Variants in SIPA1 observed in about 807,000 individuals in gnomAD.
The protein encoded by SIPA1 is signal-induced proliferation-associated protein 1.
Under a neutral mutation model 88.1 loss-of-function variants are expected in SIPA1, and 51 were observed. That is an observed-to-expected ratio of 0.58 (90% CI 0.46 to 0.73). The LOEUF (loss-of-function observed/expected upper bound fraction) is 0.73. Among genes scored for constraint, SIPA1 ranks in the 30% least tolerant of loss-of-function variants. The probability of loss-of-function intolerance (pLI) is 0.00; values close to 1 mark genes in which losing one functional copy is unlikely to be tolerated. For missense variants in SIPA1, 1,348 were observed against 1,467.6 expected, an observed-to-expected ratio of 0.92 and a Z score of 1.33; for synonymous variants, 681 against 664.8, an observed-to-expected ratio of 1.02 and a Z score of -0.37.
chr11:65,643,762 T>C (rs1043162210), intron 4 of SIPA1, among the ~76,000 whole-genome samples: 1 of 151,192 alleles, frequency 6.6e-6, no homozygotes, highest in African/African-American at 2.4e-5. Context: ...GCTTGGAGAA[T>C]GAGAGCATGG....
rs113349002 is a variant in SIPA1, at chr11:65,650,727, C to G, written c.*12C>G. 1.5e-5 allele frequency: 23 copies of G among 1,555,830 alleles called. 1 individual carries two copies. The African/African-American group carries it at 2.3e-4, about 16-fold the overall frequency. On this transcript the variant is annotated 3_prime_UTR_variant, in exon 16 of 16. Coordinates refer to ENST00000534313, the MANE Select transcript of SIPA1 (RefSeq NM_006747.4). ...CCGACCTGGCCTGAGCCGTCTGGAA[C>G]CACCTGGGCCCCTGAGGGCACTGTG...
Position 65,646,876 on chromosome 11 carries a change from G to T in SIPA1, c.1842G>T (p.Ser614=). The part of the protein sequence containing the change: ...GIEVPCLLGI[S]AEALVLVAPR... ...AGGTGCCCTGCCTGCTGGGCATCTCGGCCGAGGCTCTGGTGCTGGTGGCGC... is the reference window on the plus strand; with the variant it reads ...AGGTGCCCTGCCTGCTGGGCATCTCTGCCGAGGCTCTGGTGCTGGTGGCGC... Residue 614 remains serine (S), a synonymous_variant, in exon 8 of 16, where the codon TCG becomes TCT. Transcript: ENST00000534313. This position sits in a 1 kb window ranked among gnomAD's most constrained non-coding sequence, Gnocchi z 7.5. 1 of 1,498,274 alleles carries T rather than the reference G, an allele frequency of 6.7e-7. No homozygotes were observed. Among genetic ancestry groups the T allele is most frequent in the Non-Finnish European group, 8.9e-7 (1 of 1,127,508 alleles). The allele number at this position is 1,498,274 out of a possible 1,614,324, so 92.8% of individuals were successfully genotyped here.
chr11:65,641,940 T>G (rs1301282755), intron 2 of SIPA1, among the ~76,000 whole-genome samples: 1 of 152,168 alleles, frequency 6.6e-6, no homozygotes, highest in Non-Finnish European at 1.5e-5. Context: ...TGAACCTTGT[T>G]CGCACCAGCA....
At chr11:65,644,919 G>A (rs544307010) in intron 4 of SIPA1, 36 bp from the exon 5 acceptor site, 46 of 1,589,102 alleles carry the variant, frequency 2.9e-5, no homozygotes, top group Middle Eastern at 1.7e-4. Flanking sequence ...GGGCTGCAGG[G>A]GACTGAGACC....
At chr11:65,648,822 G>C (rs1448693535) in intron 9 of SIPA1, among the ~76,000 whole-genome samples, 4 of 149,920 alleles carry the variant, frequency 2.7e-5, no homozygotes, top group Non-Finnish European at 4.4e-5. Context: ...GGCAACAAGA[G>C]CAAAACTCCA....
At chr11:65,640,344 GATCAGCTCTCCAGGGA>G (rs1251683419) in intron 1 of SIPA1, 1 of 152,758 alleles carries the variant, frequency 6.5e-6, no homozygotes, top group Admixed American at 6.5e-5. Context: ...CTCTCTGGGT[GATCAGCTCTCCAGGGA>G]CCCTGAAGGA....
rs1255274606 is a variant in SIPA1 at position 65,642,147 on chromosome 11, G to A, written c.680-103G>A. Reference sequence around the variant, plus strand: ...ACTTAGTCTAGGGTCAACATTTGGTGGTGAGATGAAGCCTAGGGCGGGGCT... The same window carrying A: ...ACTTAGTCTAGGGTCAACATTTGGTAGTGAGATGAAGCCTAGGGCGGGGCT... On this transcript the variant is annotated intron_variant, in intron 2 of 15. Transcript: ENST00000534313. This position sits in a 1 kb window ranked among gnomAD's most constrained non-coding sequence, Gnocchi z 6.5. 3 of 1,441,306 alleles carry A rather than the reference G, an allele frequency of 2.1e-6. No homozygotes were observed. The allele number at this position is 1,441,306 out of a possible 1,614,324, so 89.3% of individuals were successfully genotyped here.
chr11:65,646,080 C>T lies in SIPA1; in HGVS notation c.1263+123C>T. 1 of 1,297,402 alleles carries T rather than the reference C, an allele frequency of 7.7e-7. No individual in the cohort carries two copies. Among genetic ancestry groups the T allele is most frequent in the Non-Finnish European group, 1.1e-6 (1 of 923,132 alleles). The allele number at this position is 1,297,402 out of a possible 1,614,324, so 80.4% of individuals were successfully genotyped here. ...CCAACAGCCCGCCCCTCTGGTGGCC[C>T]CTTCCCAAAGACAGAAACACCCTAG... is the stretch of plus-strand genomic sequence containing the variant. On this transcript the variant is annotated intron_variant, in intron 6 of 15. Transcript: ENST00000534313. The surrounding 1 kb of genome is among the most constrained non-coding windows in gnomAD (Gnocchi z 7.5).
rs1473244892 is a variant in SIPA1, at chr11:65,639,637, A to C, written c.-91-1194A>C. Among the ~76,000 whole-genome samples, 3 of 146,868 alleles carry C rather than the reference A, an allele frequency of 2.0e-5. No individual in the cohort carries two copies. In the East Asian group the frequency reaches 6.5e-4, roughly 32 times the overall value. On this transcript the variant is annotated intron_variant, in intron 1 of 15. Transcript: ENST00000534313. ...CCCACCATTAGATGCCTGTACCCCC[A>C]GTGGAGGTTCCCCAGCTCCCTGTCC...
chr11:65,649,553 C>A lies in SIPA1; in HGVS notation c.2526-8C>A. The A allele has an allele frequency of 6.2e-7, 1 of 1,614,158 alleles. No individual in the cohort carries two copies. The highest frequency in any genetic ancestry group is 8.5e-7 in the Non-Finnish European group (1 of 1,180,026). On this transcript the variant is annotated splice_region_variant and splice_polypyrimidine_tract_variant and intron_variant, in intron 10 of 15. Transcript: ENST00000534313. ...CTTCCCTTTCTGAGCCACCCCTGCT[C>A]TCCCCAGCTCTCTGTCGGATGAGGC...
intron 1 of SIPA1, among the ~76,000 whole-genome samples, chr11:65,639,476 A>G (rs1367910033): frequency 6.6e-6 from 1 of 152,186 alleles, no homozygotes; most frequent in Non-Finnish European, 1.5e-5. Context: ...TTCAGGAGAA[A>G]TCAAGGTAGA....
Position 65,642,901 on chromosome 11 carries a change from CTTTATTTA to C in SIPA1, c.984+286_984+293del, listed in dbSNP as rs145227969. ...CAGACCATCTGAATCAGAGTTTGCA[CTTTATTTA>C]TTTATTTATTTATTTATTTATTTTG... On this transcript the variant is annotated intron_variant, in intron 4 of 15. Transcript: ENST00000534313. The surrounding 1 kb of genome is among the most constrained non-coding windows in gnomAD (Gnocchi z 6.5). Among the ~76,000 whole-genome samples, 12 of 146,856 alleles carry C rather than the reference CTTTATTTA, an allele frequency of 8.2e-5. No homozygotes were observed. Among genetic ancestry groups the C allele is most frequent in the South Asian group, 2.2e-4 (1 of 4,580 alleles).
chr11:65,645,976 TG>T lies in SIPA1; in HGVS notation c.1263+24del. 7 of 1,571,540 alleles carry T rather than the reference TG, an allele frequency of 4.5e-6. No individual in the cohort carries two copies. Among genetic ancestry groups the T allele is most frequent in the Non-Finnish European group, 6.1e-6 (7 of 1,146,076 alleles). On this transcript the variant is annotated intron_variant, in intron 6 of 15. Coordinates refer to ENST00000534313, the MANE Select transcript of SIPA1 (RefSeq NM_006747.4). ...GCAGCAGGTGTGAGGGGGACCAACG[TG>T]GGGGTGGGGCTTCCGGGAACCATGG... is the stretch of plus-strand genomic sequence containing the variant.
chr11:65,649,204 A>C (rs1464390497), intron 9 of SIPA1, 58 bp from the exon 10 acceptor site: 1 of 1,243,026 alleles, frequency 8.0e-7, no homozygotes, highest in Non-Finnish European at 1.1e-6. Flanking sequence ...GGGTGGGGCT[A>C]GTGATGCAGG....
Position 65,647,442 on chromosome 11 carries a change from G to T in SIPA1, c.2090G>T (p.Arg697Leu), listed in dbSNP as rs777634980. 8 of 1,481,024 alleles carry T rather than the reference G, an allele frequency of 5.4e-6. No homozygotes were observed. The highest frequency in any genetic ancestry group is 7.1e-6 in the Non-Finnish European group (8 of 1,123,884). The allele number at this position is 1,481,024 out of a possible 1,614,324, so 91.7% of individuals were successfully genotyped here. ...ELALPRDGQG[R>L]LGFEVDAEGF... ...GCGCTGCCCCGCGACGGTCAAGGCC[G>T]CCTGGGCTTCGAGGTGGACGCCGAG... The change falls in exon 9 of 16, where the codon CGC (arginine) becomes CTC (leucine). Residue 697 changes from arginine to leucine, a missense_variant. This residue lies in a region of SIPA1 where 615 missense variants were observed against 559.8 expected (regional missense o/e 1.10). Transcript: ENST00000534313.
rs761819340 is a variant in SIPA1, at chr11:65,649,879, C to T, written c.2746+14C>T. 10 of 1,613,830 alleles carry T rather than the reference C, an allele frequency of 6.2e-6. 1 individual carries two copies. In the South Asian group the frequency reaches 9.9e-5, roughly 16 times the overall value. ...CCATCAGCAGGAGTGAGTCTGGACC[C>T]AGGAGAGCAGGGGAGGGGTTGGGGG... On this transcript the variant is annotated intron_variant, in intron 12 of 15. Transcript: ENST00000534313.
intron 9 of SIPA1, among the ~76,000 whole-genome samples, chr11:65,648,048 T>G (rs974837488): frequency 6.6e-6 from 1 of 152,048 alleles, no homozygotes; most frequent in Non-Finnish European, 1.5e-5. Context: ...ATTTTTTCTA[T>G]TTTTAGTAGA....
Position 65,650,701 on chromosome 11 carries a change from G to C in SIPA1, c.3115G>C (p.Ala1039Pro). ...LASKQLGSPT[A>P]DLA ...CTCCAAGCAGCTGGGCTCACCCACC[G>C]CCGACCTGGCCTGAGCCGTCTGGAA... The change falls in exon 16 of 16, where the codon GCC becomes CCC. Residue 1039 changes from alanine (A) to proline (P), a missense_variant. Physicochemically the swap from Ala to Pro is conservative, Grantham distance 27 (BLOSUM62 -1). Coordinates refer to ENST00000534313, the MANE Select transcript of SIPA1 (RefSeq NM_006747.4). 1 of 1,578,582 alleles carries C rather than the reference G, an allele frequency of 6.3e-7. No homozygotes were observed. The highest frequency in any genetic ancestry group is 1.2e-5 in the South Asian group (1 of 86,524).
In SIPA1 at chr11:65,645,012, G is replaced by A. The variant is rs1310981220; in HGVS notation, c.1042G>A (p.Glu348Lys). The change falls in exon 5 of 16, where the codon GAG becomes AAG. Residue 348 changes from glutamate (E) to lysine (K), a missense_variant. This residue lies in a region of SIPA1 where 641 missense variants were observed against 797.7 expected (regional missense o/e 0.80). Coordinates refer to ENST00000534313, the MANE Select transcript of SIPA1 (RefSeq NM_006747.4). ...CTGCCGGGCGGGCCAGGGCTCGGAG[G>A]AGGAGATGTACAACAACCAGGAGGC... Reference protein sequence around the residue: ...LYCRAGQGSEEEMYNNQEAGP... With the variant: ...LYCRAGQGSEKEMYNNQEAGP... 8 of 1,614,080 alleles carry A rather than the reference G, an allele frequency of 5.0e-6. No homozygotes were observed. The Admixed American group carries it at 1.3e-4, about 27-fold the overall frequency.
Sources: gnomAD v4.1 joint callset for allele counts (sites outside exome capture counted in the v4.1 genomes callset) on GRCh38, gnomAD v4.1.1 for gene constraint, gnomAD v4.1.1 regional missense constraint, Gnocchi (gnomAD v3.1) non-coding constraint, MANE v1.5 for transcripts, NCBI Gene and HGNC (gene_info 2026-07-23, HGNC 2026-07-21) for gene names.